PCSK5: variants seen among roughly 807,000 people sequenced by gnomAD.
The protein encoded by PCSK5 is prohormone convertase 5.
In PCSK5, 129 loss-of-function variants were observed where a neutral mutation model predicts 233.2. That is an observed-to-expected ratio of 0.55 (90% CI 0.48 to 0.64). The LOEUF (loss-of-function observed/expected upper bound fraction) is 0.64, where lower values mean the gene tolerates loss of function less well. Among genes scored for constraint, PCSK5 ranks in the 30% least tolerant of loss-of-function variants. The probability of loss-of-function intolerance (pLI) is 0.00; values close to 1 mark genes in which losing one functional copy is unlikely to be tolerated. For synonymous variants in PCSK5, 825 were observed against 879.2 expected (o/e 0.94, Z 1.09); for missense variants, 2,076 against 2,430.1 (o/e 0.85, Z 3.06).
chr9:76,214,655 G>A (rs1488248772), intron 20 of PCSK5, among the ~76,000 whole-genome samples: 1 of 152,180 alleles, frequency 6.6e-6, no homozygotes, highest in Non-Finnish European at 1.5e-5. Context: ...TAAGGATCAA[G>A]TAAGTTAGTA....
chr9:76,039,267 T>C (rs1035889948), intron 5 of PCSK5, among the ~76,000 whole-genome samples: 1 of 152,186 alleles, frequency 6.6e-6, no homozygotes, highest in African/African-American at 2.4e-5. Context: ...GTTTAATGCA[T>C]CCCGGTTGAA....
chr9:75,997,155 A>G (rs1375841544), intron 3 of PCSK5, among the ~76,000 whole-genome samples: 2 of 152,244 alleles, frequency 1.3e-5, no homozygotes, highest in East Asian at 1.9e-4. Flanking sequence ...AGATTTCTTC[A>G]TTTACAAATT....
intron 7 of PCSK5, among the ~76,000 whole-genome samples, chr9:76,091,958 A>T (rs1831307583): frequency 6.6e-6 from 1 of 152,080 alleles, no homozygotes; most frequent in Non-Finnish European, 1.5e-5. Flanking sequence ...GCAGCAACCT[A>T]CTGTCCTCTC....
At chr9:75,918,693 A>T (rs1823113827) in intron 1 of PCSK5, among the ~76,000 whole-genome samples, 1 of 152,194 alleles carries the variant, frequency 6.6e-6, no homozygotes, top group Non-Finnish European at 1.5e-5. Context: ...GGAAAGCAGC[A>T]CTTTACTAGA....
intron 3 of PCSK5, among the ~76,000 whole-genome samples, chr9:75,994,154 C>G (rs1445016120): frequency 2.0e-5 from 3 of 152,180 alleles, no homozygotes; most frequent in East Asian, 3.9e-4. Context: ...GATCCTACCC[C>G]CCAGATTTAC....
At chr9:76,207,005 C>A (rs1448969344) in intron 20 of PCSK5, among the ~76,000 whole-genome samples, 1 of 152,098 alleles carries the variant, frequency 6.6e-6, no homozygotes, top group Non-Finnish European at 1.5e-5. Flanking sequence ...TCCTGGCATT[C>A]TTTTGCTCAT....
intron 2 of PCSK5, among the ~76,000 whole-genome samples, chr9:75,964,429 C>G (rs1825489016): frequency 6.6e-6 from 1 of 152,060 alleles, no homozygotes; most frequent in Admixed American, 6.5e-5. Context: ...CTGACATTAT[C>G]TTAATGTTTT....
chr9:75,988,193 T>A (rs983580365), intron 3 of PCSK5, among the ~76,000 whole-genome samples: 2 of 152,234 alleles, frequency 1.3e-5, no homozygotes, highest in African/African-American at 4.8e-5. Context: ...CAACACATAT[T>A]TGATGATAAT....
chr9:76,135,924 CCT>C (rs761286654), intron 10 of PCSK5, among the ~76,000 whole-genome samples: 32 of 152,154 alleles, frequency 2.1e-4, no homozygotes, highest in African/African-American at 5.3e-4. Context: ...CTTCTGAAAA[CCT>C]CTGTTGGTTT....
At chr9:76,352,671 C>A (rs945672084) in intron 36 of PCSK5, among the ~76,000 whole-genome samples, 1 of 151,996 alleles carries the variant, frequency 6.6e-6, no homozygotes, top group Non-Finnish European at 1.5e-5. Flanking sequence ...CCCGGCAAGA[C>A]CACAAATTTC....
chr9:76,142,890 G>A (rs1823284857), intron 10 of PCSK5, among the ~76,000 whole-genome samples: 2 of 152,088 alleles, frequency 1.3e-5, no homozygotes, highest in Non-Finnish European at 2.9e-5. Context: ...TATTGTCAGT[G>A]ATTTTAGTTG....
chr9:75,903,075 TTATAAC>T (rs755364164), intron 1 of PCSK5, among the ~76,000 whole-genome samples: 5 of 152,232 alleles, frequency 3.3e-5, no homozygotes, highest in Non-Finnish European at 4.4e-5. Flanking sequence ...TAACAGATAA[TTATAAC>T]TATAATTTAT....
At chr9:76,352,453 G>A (rs1231812276) in intron 36 of PCSK5, among the ~76,000 whole-genome samples, 1 of 152,160 alleles carries the variant, frequency 6.6e-6, no homozygotes, top group Non-Finnish European at 1.5e-5. Context: ...AGCTCAGTAA[G>A]TTTCAGCCTT....
At position 76,268,300 on chromosome 9, in the gene PCSK5, C is replaced by T. The variant is rs529024001; in HGVS notation, c.3143-23933C>T. On this transcript the variant is annotated intron_variant, in intron 24 of 37. Coordinates refer to ENST00000674117, the MANE Select transcript of PCSK5 (RefSeq NM_001372043.1). ...CCCACCCCACACATACGCACATACA[C>T]GTGCTTGTCAGCTGGTAATGCGTTT... Among the ~76,000 whole-genome samples the T allele has an allele frequency of 3.9e-5, 6 of 152,308 alleles. No individual in the cohort carries two copies. In the South Asian group the frequency reaches 6.2e-4, roughly 16 times the overall value.
intron 1 of PCSK5, among the ~76,000 whole-genome samples, chr9:75,895,255 CATCT>C (rs1451345109): frequency 6.6e-6 from 1 of 152,198 alleles, no homozygotes; most frequent in African/African-American, 2.4e-5. Context: ...TCTGTTCCTT[CATCT>C]GTAAAATGAT....
intron 3 of PCSK5, among the ~76,000 whole-genome samples, chr9:76,011,359 T>A (rs944590624): frequency 1.6e-4 from 24 of 152,198 alleles, no homozygotes; most frequent in Non-Finnish European, 1.6e-4. Context: ...CCAAGCAAAA[T>A]GTTTCATCTT....
chr9:76,265,432 A>G (rs1026924807), intron 24 of PCSK5, among the ~76,000 whole-genome samples: 15 of 152,260 alleles, frequency 9.9e-5, no homozygotes, highest in Admixed American at 9.2e-4. Flanking sequence ...ATTGCCTTTT[A>G]AAAACATCAA....
chr9:75,923,464 G>A (rs1192972452), intron 1 of PCSK5, among the ~76,000 whole-genome samples: 1 of 151,280 alleles, frequency 6.6e-6, no homozygotes, highest in East Asian at 1.9e-4. Context: ...GTGAAAAAAA[G>A]TGCTTAGCAG....
In PCSK5 at chr9:76,027,028, A is replaced by G. The variant is rs1290886080; in HGVS notation, c.623A>G (p.Asn208Ser). Residue 208 changes from asparagine to serine, a missense_variant, in exon 5 of 38, where the codon AAC becomes AGC. Transcript: ENST00000674117. ...LDPMPRYDAS[N>S]ENKHGTRCAG... The stretch of plus-strand genomic sequence containing the variant: ...CCAATGCCTCGTTATGATGCAAGCA[A>G]CGAGAACAAGTAAGGCCCAAGTGAG... The G allele has an allele frequency of 6.2e-7, 1 of 1,608,966 alleles. No individual in the cohort carries two copies. The highest frequency in any genetic ancestry group is 2.2e-5 in the East Asian group (1 of 44,624).
Sources: allele counts gnomAD v4.1 joint callset (sites outside exome capture counted in the v4.1 genomes callset), GRCh38; gene constraint gnomAD v4.1.1; transcripts MANE v1.5; gene names NCBI Gene and HGNC (gene_info 2026-07-23, HGNC 2026-07-21).